The following OLAH variants were observed in gnomAD, a reference collection of about 807,000 sequenced individuals.
OLAH encodes oleoyl-ACP hydrolase, also known as S-acyl fatty acid synthase thioesterase, medium chain.
OLAH carries 33 observed loss-of-function variants against 27.8 expected under a neutral mutation model. The ratio of observed to expected loss-of-function variants is 1.19; its 90% CI spans 0.90 to 1.59. The LOEUF (loss-of-function observed/expected upper bound fraction) is 1.59, where lower values mean the gene tolerates loss of function less well. Among genes scored for constraint, OLAH ranks in the 40% most tolerant of loss-of-function variants. The pLI is 0.00. For synonymous variants in OLAH, 120 were observed against 102.9 expected, an observed-to-expected ratio of 1.17 and a Z score of -1.01; for missense variants, 359 against 310.8, an observed-to-expected ratio of 1.16 and a Z score of -1.17.
At chr10:15,061,962 A>T in intron 4 of OLAH, 100 bp downstream of exon 4, 2 of 1,165,526 alleles carry the variant, frequency 1.7e-6, no homozygotes, top group East Asian at 2.4e-5. Context: ...ATACCTTTGT[A>T]TTGGTTAGAC....
chr10:15,071,136 C>A (rs1844578736), intron 6 of OLAH, among the ~76,000 whole-genome samples: 1 of 152,202 alleles, frequency 6.6e-6, no homozygotes, highest in East Asian at 1.9e-4. Flanking sequence ...GCTCTATGCC[C>A]TTTGACTGGT....
intron 6 of OLAH, 27 bp downstream of exon 6, chr10:15,065,780 T>C: frequency 1.3e-6 from 2 of 1,567,234 alleles, no homozygotes; most frequent in Non-Finnish European, 8.6e-7. Context: ...AGGTTTTTTC[T>C]TTTTTTGGTA....
chr10:15,040,571 C>T (rs1161604060), upstream of OLAH, among the ~76,000 whole-genome samples: 1 of 152,122 alleles, frequency 6.6e-6, no homozygotes, highest in Non-Finnish European at 1.5e-5. Context: ...TGCAGCATCA[C>T]CCCTTCCTTC....
chr10:15,072,705 C>T (rs1027049629), intron 7 of OLAH, among the ~76,000 whole-genome samples: 7 of 150,436 alleles, frequency 4.7e-5, no homozygotes, highest in African/African-American at 1.7e-4. Flanking sequence ...TTGGGGCAGA[C>T]ATCTTTCTGG....
At chr10:15,070,506 T>C (rs1432222918) in intron 6 of OLAH, among the ~76,000 whole-genome samples, 1 of 152,162 alleles carries the variant, frequency 6.6e-6, no homozygotes, top group African/African-American at 2.4e-5. Flanking sequence ...TTCTTTGAGA[T>C]GGAGTTTCGC....
intron 6 of OLAH, among the ~76,000 whole-genome samples, chr10:15,069,764 G>A (rs148658466): frequency 0.035 from 5,389 of 152,230 alleles, 126 homozygotes; most frequent in African/African-American, 0.06. Context: ...TACTCGACAG[G>A]CTGAGGCAGG....
Position 15,047,175 on chromosome 10 carries a change from A to G in OLAH, c.-114A>G. The G allele has an allele frequency of 1.1e-6, 1 of 936,234 alleles. No individual in the cohort carries two copies. Among genetic ancestry groups the G allele is most frequent in the Non-Finnish European group, 1.6e-6 (1 of 630,450 alleles). The allele number at this position is 936,234 out of a possible 1,614,324, so 58.0% of individuals were successfully genotyped here. A position where few individuals can be genotyped will look rare whatever the true frequency, so the allele number is the denominator to read the frequency against. On this transcript the variant is annotated 5_prime_UTR_variant, in exon 2 of 8. Coordinates refer to ENST00000378228, the MANE Select transcript of OLAH (RefSeq NM_001039702.3). ...AGCGCCTTTAAAAAGAAATCTACTC[A>G]CTCTTCTGTGTGCATAAGGCCGAGC... is the stretch of plus-strand genomic sequence containing the variant.
At chr10:15,052,332 T>C (rs1589243213) in intron 3 of OLAH, among the ~76,000 whole-genome samples, 1 of 152,170 alleles carries the variant, frequency 6.6e-6, no homozygotes. Flanking sequence ...CCATGGGTTA[T>C]AGTTGTTTGC....
At chr10:15,048,510 G>A (rs570414155) in intron 2 of OLAH, among the ~76,000 whole-genome samples, 11 of 152,292 alleles carry the variant, frequency 7.2e-5, no homozygotes, top group African/African-American at 2.6e-4. Flanking sequence ...GAGCCACTGA[G>A]CCCAGTCTAT....
intron 3 of OLAH, chr10:15,057,001 A>C (rs1479832625): frequency 5.7e-6 from 8 of 1,403,038 alleles, no homozygotes; most frequent in Non-Finnish European, 6.6e-6. Flanking sequence ...TTTGTGTTGA[A>C]AATGTCTTCT....
chr10:15,072,655 T>C (rs1844613497), intron 7 of OLAH, among the ~76,000 whole-genome samples: 1 of 151,800 alleles, frequency 6.6e-6, no homozygotes. Context: ...AGAAGTTTTA[T>C]GGTAGGGTTG....
At chr10:15,051,077 TA>T (rs1309626448) in intron 3 of OLAH, among the ~76,000 whole-genome samples, 18 of 54,292 alleles carry the variant, frequency 3.3e-4, no homozygotes, top group African/African-American at 1.8e-3. Context: ...TTATTATTAT[TA>T]TTTTTTTTTT....
chr10:15,049,822 ATT>A (rs1844098612), intron 3 of OLAH, 57 bp downstream of exon 3: 2 of 1,526,238 alleles, frequency 1.3e-6, no homozygotes, highest in Admixed American at 4.5e-5. Flanking sequence ...ACATAAATGT[ATT>A]AGAATTTGAA....
At chr10:15,049,334 A>G (rs1008832489) in intron 2 of OLAH, among the ~76,000 whole-genome samples, 2 of 151,918 alleles carry the variant, frequency 1.3e-5, no homozygotes, top group African/African-American at 2.4e-5. Flanking sequence ...AGGTCTCACT[A>G]TGTTGTCCAG....
chr10:15,071,463 A>T, intron 6 of OLAH: 2 of 935,486 alleles, frequency 2.1e-6, no homozygotes, highest in Non-Finnish European at 2.5e-6. Flanking sequence ...TGGGCCAAGG[A>T]GAGCTAAGAG....
At chr10:15,053,260 T>C (rs542795577) in intron 3 of OLAH, among the ~76,000 whole-genome samples, 1 of 152,180 alleles carries the variant, frequency 6.6e-6, no homozygotes, top group South Asian at 2.1e-4. Flanking sequence ...AAACCATCTA[T>C]CTAAAATAAT....
intron 3 of OLAH, among the ~76,000 whole-genome samples, chr10:15,050,607 T>A (rs548610791): frequency 6.9e-6 from 1 of 145,786 alleles, no homozygotes; most frequent in South Asian, 2.1e-4. Flanking sequence ...AGTAGCTTGA[T>A]GTTGGCTCAC....
chr10:15,035,047 A>G (rs1409058962), intron 1 of OLAH, among the ~76,000 whole-genome samples: 3 of 151,958 alleles, frequency 2.0e-5, no homozygotes, highest in African/African-American at 4.8e-5. Flanking sequence ...TGATCCGCCC[A>G]CCTCGGCCTC....
chr10:15,065,976 C>T (rs1330952716), intron 6 of OLAH, among the ~76,000 whole-genome samples: 1 of 152,204 alleles, frequency 6.6e-6, no homozygotes, highest in African/African-American at 2.4e-5. Context: ...CACAGTGACT[C>T]ATGCCTATAA....
Sources: allele counts gnomAD v4.1 joint callset (sites outside exome capture counted in the v4.1 genomes callset), GRCh38; gene constraint gnomAD v4.1.1; transcripts MANE v1.5; gene names NCBI Gene and HGNC (gene_info 2026-07-23, HGNC 2026-07-21).